The following SH3RF3 variants were observed in gnomAD, a reference collection of about 807,000 sequenced individuals.
The protein encoded by SH3RF3 is E3 ubiquitin-protein ligase SH3RF3.
A neutral mutation model predicts 66.3 loss-of-function variants in SH3RF3; 29 were observed. The observed-to-expected ratio is 0.44, with a 90% CI of 0.33 to 0.60. The LOEUF is 0.60. Ranked by LOEUF, SH3RF3 falls within the 20% of genes least tolerant of loss-of-function variation. The pLI, the probability that SH3RF3 is intolerant of heterozygous loss-of-function variation, is 0.04. For missense variants in SH3RF3, 1,194 were observed against 1,190.9 expected, an observed-to-expected ratio of 1.00 and a Z score of -0.04; for synonymous variants, 583 against 532.0, an observed-to-expected ratio of 1.10 and a Z score of -1.32.
At chr2:109,245,732 A>G (rs1679900168) in intron 1 of SH3RF3, among the ~76,000 whole-genome samples, 2 of 152,228 alleles carry the variant, frequency 1.3e-5, no homozygotes, top group South Asian at 4.1e-4. Flanking sequence ...AATTCAGGAA[A>G]TTCATTCTAA....
chr2:109,473,583 A>G (rs1678585228), intron 8 of SH3RF3, among the ~76,000 whole-genome samples: 2 of 152,218 alleles, frequency 1.3e-5, no homozygotes, highest in African/African-American at 4.8e-5. Context: ...TCTGGGATTC[A>G]AAGAAGATGG....
At chr2:109,266,106 G>A (rs1009527077) in intron 1 of SH3RF3, among the ~76,000 whole-genome samples, 7 of 149,908 alleles carry the variant, frequency 4.7e-5, no homozygotes, top group African/African-American at 1.7e-4. Flanking sequence ...GCATGTGTGT[G>A]TTGTGTGTAT....
chr2:109,129,640 C>T lies in SH3RF3; in HGVS notation c.100C>T (p.Arg34Trp), dbSNP rs1400246731. 3.3e-6 allele frequency: 5 copies of T among 1,495,854 alleles called. No homozygotes were observed. The highest frequency in any genetic ancestry group is 4.4e-6 in the Non-Finnish European group (5 of 1,130,756). The allele number at this position is 1,495,854 out of a possible 1,614,324, so 92.7% of individuals were successfully genotyped here. ...CAGGCCAGGCGAGCGACGGCGGCGTCGGGCGGCGGCCACCGCCGCGGGGGC... is the reference window on the plus strand; with the variant it reads ...CAGGCCAGGCGAGCGACGGCGGCGTTGGGCGGCGGCCACCGCCGCGGGGGC... ...EDRPGERRRR[R>W]AAATAAGAGE... The change falls in exon 1 of 10, where the codon CGG (arginine) becomes TGG (tryptophan). Residue 34 changes from arginine (R) to tryptophan (W), a missense_variant. Arg to Trp is a moderately radical substitution (Grantham distance 101). Coordinates refer to ENST00000309415, the MANE Select transcript of SH3RF3 (RefSeq NM_001099289.3).
rs576908662 is a variant in SH3RF3, at chr2:109,184,083, T to A, written c.573+53970T>A. On this transcript the variant is annotated intron_variant, in intron 1 of 9. Coordinates refer to ENST00000309415, the MANE Select transcript of SH3RF3 (RefSeq NM_001099289.3). Reference sequence around the variant, plus strand: ...ACGATCTCTCTGTGAACGTGGGGTGTTGAGCCCATGTGGTGGTTCCATGTG... The same window carrying A: ...ACGATCTCTCTGTGAACGTGGGGTGATGAGCCCATGTGGTGGTTCCATGTG... Among the ~76,000 whole-genome samples the A allele has an allele frequency of 1.2e-3, 190 of 152,340 alleles. 5 individuals are homozygous for A. The South Asian group carries it at 0.037, about 30-fold the overall frequency.
At chr2:109,396,840 G>A (rs945445942) in intron 3 of SH3RF3, among the ~76,000 whole-genome samples, 2 of 152,244 alleles carry the variant, frequency 1.3e-5, no homozygotes, top group Admixed American at 6.5e-5. Context: ...CAGGTAGCCT[G>A]CACTTCCATA....
intron 1 of SH3RF3, among the ~76,000 whole-genome samples, chr2:109,160,008 C>G (rs966950135): frequency 3.3e-5 from 5 of 152,148 alleles, no homozygotes; most frequent in African/African-American, 1.2e-4. Flanking sequence ...TGAATCATCC[C>G]AAAACCATCT....
chr2:109,260,449 A>G (rs1004241543), intron 1 of SH3RF3, among the ~76,000 whole-genome samples: 1 of 152,176 alleles, frequency 6.6e-6, no homozygotes, highest in Non-Finnish European at 1.5e-5. Flanking sequence ...AAAGGTGGAG[A>G]AAGCATCTGC....
intron 5 of SH3RF3, among the ~76,000 whole-genome samples, chr2:109,420,385 G>T (rs1223658261): frequency 6.6e-6 from 1 of 152,182 alleles, no homozygotes; most frequent in Admixed American, 6.5e-5. Context: ...ACGTCAGAGG[G>T]ACACTCAGAA....
intron 1 of SH3RF3, among the ~76,000 whole-genome samples, chr2:109,230,015 A>G (rs374558445): frequency 9.1e-4 from 138 of 151,756 alleles, no homozygotes; most frequent in African/African-American, 3.2e-3. Flanking sequence ...TAGTAGAGAC[A>G]GGGTTTCACC....
At chr2:109,270,028 T>C (rs1680588279) in intron 1 of SH3RF3, among the ~76,000 whole-genome samples, 1 of 152,238 alleles carries the variant, frequency 6.6e-6, no homozygotes, top group Admixed American at 6.5e-5. Context: ...AGATTGCGAT[T>C]GAAGCCACTG....
chr2:109,187,577 T>C (rs573036703), intron 1 of SH3RF3, among the ~76,000 whole-genome samples: 278 of 152,362 alleles, frequency 1.8e-3, no homozygotes, highest in African/African-American at 5.8e-3. Flanking sequence ...CAGTCCATGC[T>C]GCACAGCTTT....
chr2:109,369,624 C>T (rs1245308346), intron 2 of SH3RF3, among the ~76,000 whole-genome samples: 1 of 152,106 alleles, frequency 6.6e-6, no homozygotes, highest in East Asian at 1.9e-4. Context: ...CTCTGGTGGC[C>T]CCCACGCTCT....
At chr2:109,419,846 G>A (rs1053473773) in intron 5 of SH3RF3, among the ~76,000 whole-genome samples, 1 of 152,252 alleles carries the variant, frequency 6.6e-6, no homozygotes, top group Non-Finnish European at 1.5e-5. Flanking sequence ...TTGTTTCTAG[G>A]ACATTTCTTC....
chr2:109,140,983 C>G (rs980969390), intron 1 of SH3RF3, among the ~76,000 whole-genome samples: 2 of 152,160 alleles, frequency 1.3e-5, no homozygotes, highest in Non-Finnish European at 2.9e-5. Flanking sequence ...CTGGACAACC[C>G]TAAAGCATCC....
At chr2:109,319,948 G>T (rs1681982563) in intron 1 of SH3RF3, among the ~76,000 whole-genome samples, 1 of 152,238 alleles carries the variant, frequency 6.6e-6, no homozygotes, top group South Asian at 2.1e-4. Context: ...TGAACGAGCT[G>T]CTGTGAGAAG....
At chr2:109,440,764 G>A (rs1460801721) in intron 7 of SH3RF3, among the ~76,000 whole-genome samples, 1 of 152,182 alleles carries the variant, frequency 6.6e-6, no homozygotes, top group African/African-American at 2.4e-5. Flanking sequence ...AGTGACCAGA[G>A]AGGAGAGAAC....
chr2:109,170,330 C>T (rs1333407879), intron 1 of SH3RF3, among the ~76,000 whole-genome samples: 19 of 139,802 alleles, frequency 1.4e-4, no homozygotes, highest in African/African-American at 4.9e-4. Context: ...TCTCTCTCTC[C>T]TCTCTCTCTC....
chr2:109,461,105 T>A (rs1392496970), intron 8 of SH3RF3, among the ~76,000 whole-genome samples: 1 of 152,238 alleles, frequency 6.6e-6, no homozygotes, highest in Admixed American at 6.5e-5. Context: ...GGCCACTTCC[T>A]CATGTAACTT....
intron 1 of SH3RF3, among the ~76,000 whole-genome samples, chr2:109,176,208 G>T (rs562796036): frequency 4.6e-5 from 7 of 152,294 alleles, no homozygotes; most frequent in African/African-American, 1.7e-4. Context: ...GCAGACTTGT[G>T]CAATGATTAT....
Sources: gnomAD v4.1 joint callset for allele counts (sites outside exome capture counted in the v4.1 genomes callset) on GRCh38, gnomAD v4.1.1 for gene constraint, MANE v1.5 for transcripts, NCBI Gene and HGNC (gene_info 2026-07-23, HGNC 2026-07-21) for gene names.